GALNT13: variants seen among roughly 807,000 people sequenced by gnomAD.
GALNT13 encodes UDP-GalNAc:polypeptide N-acetylgalactosaminyltransferase 13.
A neutral mutation model predicts 64.2 loss-of-function variants in GALNT13; 28 were observed. The ratio of observed to expected loss-of-function variants is 0.44; its 90% CI spans 0.32 to 0.60. The LOEUF is 0.60. Among genes scored for constraint, GALNT13 ranks in the 20% least tolerant of loss-of-function variants. GALNT13 has a pLI of 0.05. For synonymous variants in GALNT13, 214 were observed against 224.6 expected, an observed-to-expected ratio of 0.95 and a Z score of 0.42; for missense variants, 577 against 669.8, an observed-to-expected ratio of 0.86 and a Z score of 1.53.
chr2:153,078,596 C>T, the GALNT13 span, among the ~76,000 whole-genome samples: 3 of 152,096 alleles, frequency 2.0e-5, no homozygotes, highest in Non-Finnish European at 4.4e-5. Context: ...CGGGCATGAG[C>T]CATCACGCCT....
At chr2:153,945,028 G>A (rs547446078) in intron 3 of GALNT13, among the ~76,000 whole-genome samples, 25 of 152,248 alleles carry the variant, frequency 1.6e-4, no homozygotes, top group African/African-American at 6.0e-4. Flanking sequence ...GACAGGTGGC[G>A]ATTTTAGCAA....
the GALNT13 span, chr2:153,478,203 G>A: frequency 6.4e-7 from 1 of 1,564,948 alleles, no homozygotes; most frequent in Non-Finnish European, 8.7e-7. Flanking sequence ...GTGGGCAGGC[G>A]TGGGAGCGGT....
intron 4 of GALNT13, among the ~76,000 whole-genome samples, chr2:154,150,331 A>G (rs933804888): frequency 2.6e-5 from 4 of 151,976 alleles, no homozygotes; most frequent in African/African-American, 9.7e-5. Flanking sequence ...TCGGTTTGCC[A>G]GTATTTTATT....
At chr2:154,248,209 T>C (rs1002816346) in intron 7 of GALNT13, among the ~76,000 whole-genome samples, 10 of 152,126 alleles carry the variant, frequency 6.6e-5, no homozygotes, top group Non-Finnish European at 1.0e-4. Flanking sequence ...TCTGCTTACA[T>C]TGAAAGCCAA....
At chr2:153,725,835 T>C in the GALNT13 span, among the ~76,000 whole-genome samples, 1 of 152,326 alleles carries the variant, frequency 6.6e-6, no homozygotes, top group Non-Finnish European at 1.5e-5. Context: ...AAATGATCTT[T>C]TCCCCCTCTT....
At chr2:153,677,662 T>C in the GALNT13 span, among the ~76,000 whole-genome samples, 2 of 152,066 alleles carry the variant, frequency 1.3e-5, no homozygotes, top group Admixed American at 6.6e-5. Flanking sequence ...CAAACTATAC[T>C]ACAAGGCTAC....
At chr2:153,921,636 A>T (rs1262225214) in intron 2 of GALNT13, among the ~76,000 whole-genome samples, 4 of 152,214 alleles carry the variant, frequency 2.6e-5, no homozygotes, top group Non-Finnish European at 5.9e-5. Context: ...ATAATAATAA[A>T]AAAGAATGCT....
chr2:153,465,064 C>T, the GALNT13 span, among the ~76,000 whole-genome samples: 1 of 152,104 alleles, frequency 6.6e-6, no homozygotes, highest in Admixed American at 6.6e-5. Context: ...ATTACCTCCT[C>T]TGTTTCCAAT....
chr2:153,398,798 A>G, the GALNT13 span, among the ~76,000 whole-genome samples: 4 of 139,396 alleles, frequency 2.9e-5, no homozygotes, highest in Non-Finnish European at 6.2e-5. Context: ...AATTTGTTGG[A>G]GTTCATTGTA....
chr2:153,236,028 G>T, the GALNT13 span, among the ~76,000 whole-genome samples: 1 of 152,128 alleles, frequency 6.6e-6, no homozygotes, highest in Non-Finnish European at 1.5e-5. Flanking sequence ...TCATTTTATG[G>T]CTGATATGGA....
chr2:153,875,404 T>C (rs1686292471), intron 1 of GALNT13, among the ~76,000 whole-genome samples: 1 of 152,132 alleles, frequency 6.6e-6, no homozygotes, highest in Admixed American at 6.5e-5. Context: ...AGGTGGAAAA[T>C]CTGATATTGT....
At chr2:154,219,621 G>T (rs1392683738) in intron 4 of GALNT13, among the ~76,000 whole-genome samples, 1 of 152,076 alleles carries the variant, frequency 6.6e-6, no homozygotes, top group Non-Finnish European at 1.5e-5. Context: ...CTTTGTTTAT[G>T]ATGAAGTAAT....
Position 154,229,251 on chromosome 2 carries a change from A to T in GALNT13, c.312-12779A>T, listed in dbSNP as rs151302849. ...ATACAGAGCTTCAATTGACAATTTG[A>T]CTTTCGTTATCAATAACTACATCTT... On this transcript the variant is annotated intron_variant, in intron 4 of 12. Coordinates refer to ENST00000392825, the MANE Select transcript of GALNT13 (RefSeq NM_052917.4). Among the ~76,000 whole-genome samples the T allele has an allele frequency of 3.8e-4, 58 of 152,216 alleles. 1 individual carries two copies. In the East Asian group the frequency reaches 0.011, roughly 28 times the overall value.
chr2:154,373,157 A>G (rs1697795420), intron 9 of GALNT13, among the ~76,000 whole-genome samples: 1 of 152,160 alleles, frequency 6.6e-6, no homozygotes, highest in Admixed American at 6.5e-5. Context: ...GTTTTCATAC[A>G]TTTTATGGCA....
At chr2:153,127,561 C>G in the GALNT13 span, among the ~76,000 whole-genome samples, 3 of 152,134 alleles carry the variant, frequency 2.0e-5, no homozygotes, top group East Asian at 5.8e-4. Context: ...GAACCGTAAT[C>G]TTAGTGATAT....
At chr2:154,275,676 G>A (rs1251311363) in intron 8 of GALNT13, among the ~76,000 whole-genome samples, 1 of 152,180 alleles carries the variant, frequency 6.6e-6, no homozygotes, top group East Asian at 1.9e-4. Context: ...AATGTGGGGT[G>A]CAAGCCCCCA....
chr2:153,497,522 A>AGTTTTTTTTTTTTT, the GALNT13 span, among the ~76,000 whole-genome samples: 1 of 36,896 alleles, frequency 2.7e-5, no homozygotes, highest in African/African-American at 1.1e-4. Context: ...TTTCTCCCGC[A>AGTTTTTTTTTTTTT]TTTTTTTTTT....
chr2:154,115,057 T>G (rs2105500869), intron 3 of GALNT13, among the ~76,000 whole-genome samples: 1 of 152,300 alleles, frequency 6.6e-6, no homozygotes, highest in East Asian at 1.9e-4. Context: ...CCTCATAAAC[T>G]TATTTCACAA....
chr2:153,330,119 T>C, the GALNT13 span, among the ~76,000 whole-genome samples: 2 of 152,228 alleles, frequency 1.3e-5, no homozygotes, highest in Non-Finnish European at 2.9e-5. Flanking sequence ...TTCTCTATTC[T>C]GTCCCAATCA....
Sources: allele counts gnomAD v4.1 joint callset (sites outside exome capture counted in the v4.1 genomes callset), GRCh38; gene constraint gnomAD v4.1.1; transcripts MANE v1.5; gene names NCBI Gene and HGNC (gene_info 2026-07-23, HGNC 2026-07-21).